Variants in KDM4C observed in about 807,000 individuals in gnomAD.
KDM4C encodes lysine-specific demethylase 4C.
KDM4C carries 81 observed loss-of-function variants against 129.3 expected under a neutral mutation model. The observed-to-expected ratio is 0.63, with a 90% confidence interval of 0.52 to 0.75. The LOEUF is 0.75. KDM4C is among the 30% of genes least tolerant of loss of function. The probability of loss-of-function intolerance (pLI) is 0.00; values close to 1 mark genes in which losing one functional copy is unlikely to be tolerated. For missense variants in KDM4C, 1,457 were observed against 1,304.0 expected, an observed-to-expected ratio of 1.12 and a Z score of -1.81; for synonymous variants, 573 against 456.1, an observed-to-expected ratio of 1.26 and a Z score of -3.26.
chr9:6,869,475 C>T (rs1194816907), intron 5 of KDM4C, among the ~76,000 whole-genome samples: 1 of 152,188 alleles, frequency 6.6e-6, no homozygotes, highest in Admixed American at 6.5e-5. Context: ...GGGGAGTTCA[C>T]TCTGAGATTG....
At chr9:6,990,165 C>A (rs1408199146) in intron 11 of KDM4C, among the ~76,000 whole-genome samples, 2 of 152,018 alleles carry the variant, frequency 1.3e-5, no homozygotes, top group Non-Finnish European at 2.9e-5. Context: ...CCTACCCTGC[C>A]CTACAGCTTG....
chr9:6,874,098 A>G (rs1843217174), intron 5 of KDM4C, among the ~76,000 whole-genome samples: 1 of 152,210 alleles, frequency 6.6e-6, no homozygotes, highest in African/African-American at 2.4e-5. Context: ...ATGACACATC[A>G]CCATAACAGA....
In KDM4C at chr9:6,758,340, G is replaced by T; in HGVS notation, c.-18+137G>T. ...GGCGACGCTGGGGCAGAGACGCTCC[G>T]TCCGTGACTGCAGCGACTGTCAAGC... On this transcript the variant is annotated intron_variant, in intron 1 of 21. Coordinates refer to ENST00000381309, the MANE Select transcript of KDM4C (RefSeq NM_015061.6). This position sits in a 1 kb window ranked among gnomAD's most constrained non-coding sequence, Gnocchi z 4.6. 1 of 406,026 alleles carries T rather than the reference G, an allele frequency of 2.5e-6. No homozygotes were observed. Among genetic ancestry groups the T allele is most frequent in the Non-Finnish European group, 3.3e-6 (1 of 299,902 alleles). 25.2% of individuals were successfully genotyped at this position (406,026 alleles called of 1,614,324 possible).
At chr9:7,148,696 G>A (rs73639827) in intron 19 of KDM4C, among the ~76,000 whole-genome samples, 1 of 152,210 alleles carries the variant, frequency 6.6e-6, no homozygotes, top group African/African-American at 2.4e-5. Flanking sequence ...TGGAGGGTGA[G>A]CAAGACAGAG....
At position 7,011,873 on chromosome 9, in the gene KDM4C, C is replaced by A; in HGVS notation, c.1962C>A (p.Tyr654Ter). 6.2e-7 allele frequency: 1 copy of A among 1,612,920 alleles called. No homozygotes were observed. Residue 654 changes from tyrosine (Y) to a stop codon, truncating the protein, a stop_gained, in exon 13 of 22, where the codon TAC becomes TAA. Transcript: ENST00000381309. LOFTEE classifies it high-confidence loss of function. ...CCATCTGCACTCTGCTCATGCCGTA[C>A]CACAAGGTAAAGGAGCCTGCTATCA... ...HCAICTLLMPYHKPDSSNEEN... is the reference protein window; with the variant it reads ...HCAICTLLMP
intron 7 of KDM4C, among the ~76,000 whole-genome samples, chr9:6,891,489 T>G (rs532995216): frequency 6.6e-6 from 1 of 152,006 alleles, no homozygotes; most frequent in South Asian, 2.1e-4. Flanking sequence ...AAATCAGGGG[T>G]TTTCTTAGGG....
At position 6,963,255 on chromosome 9, in the gene KDM4C, C is replaced by G. The variant is rs143924986; in HGVS notation, c.922-17670C>G. ...AGTAAGCAAATAAAAAAATACTAGA[C>G]AAATGCTTTTAGTAGTATTAATAAT... On this transcript the variant is annotated intron_variant, in intron 8 of 21. Coordinates refer to ENST00000381309, the MANE Select transcript of KDM4C (RefSeq NM_015061.6). Among the ~76,000 whole-genome samples, 503 of 152,246 alleles carry G rather than the reference C, an allele frequency of 3.3e-3. 2 individuals are homozygous for G. Among genetic ancestry groups the G allele is most frequent in the African/African-American group, 0.011 (469 of 41,536 alleles).
chr9:6,760,298 T>A (rs1215601052), intron 1 of KDM4C, among the ~76,000 whole-genome samples: 1 of 152,100 alleles, frequency 6.6e-6, no homozygotes, highest in African/African-American at 2.4e-5. Context: ...TCATTCCTTT[T>A]AATGGCTAAT....
chr9:6,906,956 G>T (rs935941151), intron 8 of KDM4C, among the ~76,000 whole-genome samples: 1 of 152,162 alleles, frequency 6.6e-6, no homozygotes, highest in Non-Finnish European at 1.5e-5. Flanking sequence ...AACAATCTAA[G>T]ATTTATGATA....
At chr9:6,739,351 G>A (rs1588049227) in intron 1 of KDM4C, among the ~76,000 whole-genome samples, 1 of 152,048 alleles carries the variant, frequency 6.6e-6, no homozygotes, top group East Asian at 1.9e-4. Context: ...GGGATCACAG[G>A]TGTGAGCCAC....
chr9:6,925,156 G>C (rs187142186), intron 8 of KDM4C: 2 of 985,354 alleles, frequency 2.0e-6, no homozygotes, highest in East Asian at 2.3e-4. Context: ...TGCCTCACTG[G>C]AAGTCCTTAT....
intron 11 of KDM4C, 47 bp downstream of exon 11, chr9:6,986,713 G>C (rs1817779100): frequency 1.5e-6 from 2 of 1,378,904 alleles, no homozygotes; most frequent in African/African-American, 1.4e-5. Context: ...TATGGTGAGA[G>C]CACATTTTGA....
chr9:7,077,072 A>G (rs1448720126), intron 17 of KDM4C: 1 of 985,400 alleles, frequency 1.0e-6, no homozygotes, highest in Non-Finnish European at 1.2e-6. Context: ...GGTGAAAACT[A>G]TCACTCATTC....
intron 5 of KDM4C, among the ~76,000 whole-genome samples, chr9:6,867,057 C>G (rs1842152311): frequency 1.4e-5 from 2 of 145,164 alleles, no homozygotes; most frequent in African/African-American, 2.6e-5. Context: ...TGCTCTGTCA[C>G]CAGGCTGGAG....
intron 19 of KDM4C, among the ~76,000 whole-genome samples, chr9:7,135,474 C>T (rs1212717103): frequency 6.6e-6 from 1 of 152,102 alleles, no homozygotes; most frequent in Admixed American, 6.5e-5. Context: ...TATTAATTTC[C>T]AGGACTTCAT....
intron 15 of KDM4C, among the ~76,000 whole-genome samples, chr9:7,046,004 A>G (rs926680000): frequency 6.6e-6 from 1 of 152,078 alleles, no homozygotes; most frequent in Non-Finnish European, 1.5e-5. Flanking sequence ...AAAAACTCCA[A>G]ATAACTTCTA....
intron 17 of KDM4C, among the ~76,000 whole-genome samples, chr9:7,092,627 C>T (rs1027181490): frequency 3.3e-5 from 5 of 152,148 alleles, no homozygotes; most frequent in African/African-American, 7.2e-5. Flanking sequence ...TTGCTGGGCA[C>T]TTCTTCTGTG....
intron 8 of KDM4C, among the ~76,000 whole-genome samples, chr9:6,920,218 G>T (rs1821227586): frequency 6.6e-6 from 1 of 152,138 alleles, no homozygotes; most frequent in African/African-American, 2.4e-5. Context: ...GTCCTCATGT[G>T]CTGAGTCCAC....
chr9:6,800,710 T>C (rs1828781112), intron 2 of KDM4C, among the ~76,000 whole-genome samples: 1 of 152,176 alleles, frequency 6.6e-6, no homozygotes, highest in Admixed American at 6.5e-5. Flanking sequence ...CACTGCAGCC[T>C]TGTCCTCCCG....
Sources: allele counts gnomAD v4.1 joint callset (sites outside exome capture counted in the v4.1 genomes callset), GRCh38; gene constraint gnomAD v4.1.1; non-coding constraint Gnocchi (gnomAD v3.1); transcripts MANE v1.5; gene names NCBI Gene and HGNC (gene_info 2026-07-23, HGNC 2026-07-21).